COLEC11: variants seen among roughly 807,000 people sequenced by gnomAD.
COLEC11 encodes collectin subfamily member 11.
In COLEC11, 20 loss-of-function variants were observed where a neutral mutation model predicts 27.3. The observed-to-expected ratio is 0.73, with a 90% CI of 0.51 to 1.06. The LOEUF is 1.06. Among genes scored for constraint, COLEC11 ranks in the 50% least tolerant of loss-of-function variants. The pLI, the probability that COLEC11 is intolerant of heterozygous loss-of-function variation, is 0.00. For missense variants in COLEC11, 310 were observed against 383.0 expected (o/e 0.81, Z 1.59); for synonymous variants, 163 against 154.7 (o/e 1.05, Z -0.40).
At chr2:3,636,847 G>A (rs961555572) in intron 3 of COLEC11, among the ~76,000 whole-genome samples, 11 of 152,132 alleles carry the variant, frequency 7.2e-5, no homozygotes, top group African/African-American at 2.2e-4. Context: ...AGACAATCCC[G>A]TGGGATCTTG....
chr2:3,643,420 A>G (rs1463613198), intron 5 of COLEC11, 24 bp from the exon 6 acceptor site: 19 of 1,593,942 alleles, frequency 1.2e-5, no homozygotes, highest in Non-Finnish European at 1.6e-5. Flanking sequence ...CAGCGTTTGT[A>G]ACGCGTGGGC....
intron 3 of COLEC11, among the ~76,000 whole-genome samples, chr2:3,634,775 C>T (rs891608260): frequency 6.6e-6 from 1 of 152,064 alleles, no homozygotes; most frequent in Admixed American, 6.5e-5. Flanking sequence ...GGCTGGCCCC[C>T]TGACGATGAA....
intron 3 of COLEC11, among the ~76,000 whole-genome samples, chr2:3,626,658 G>A (rs765470588): frequency 6.6e-6 from 1 of 152,242 alleles, no homozygotes; most frequent in Non-Finnish European, 1.5e-5. Context: ...CATTCTTTCT[G>A]ATAATCGTGG....
At chr2:3,609,362 T>TGA (rs1431694988) in intron 2 of COLEC11, among the ~76,000 whole-genome samples, 9,631 of 119,682 alleles carry the variant, frequency 0.08, 832 homozygotes, top group African/African-American at 0.21. Context: ...ATTTTTTTTT[T>TGA]TTTTTTTTTT....
intron 2 of COLEC11, among the ~76,000 whole-genome samples, chr2:3,609,237 T>C (rs370083588): frequency 6.6e-6 from 1 of 152,354 alleles, no homozygotes; most frequent in South Asian, 2.1e-4. Context: ...TAATGACTTA[T>C]GATTCTTTCT....
intron 3 of COLEC11, among the ~76,000 whole-genome samples, chr2:3,636,432 G>T (rs1665422375): frequency 1.3e-5 from 2 of 152,004 alleles, no homozygotes; most frequent in Non-Finnish European, 2.9e-5. Flanking sequence ...TCCAGCCTGG[G>T]TGACAGAGTA....
At chr2:3,618,032 T>G (rs1663904287) in intron 3 of COLEC11, among the ~76,000 whole-genome samples, 1 of 152,226 alleles carries the variant, frequency 6.6e-6, no homozygotes. Flanking sequence ...CATTTTTAAA[T>G]TGGGTTATTT....
chr2:3,608,628 C>T lies in COLEC11; in HGVS notation c.130+4158C>T, dbSNP rs1558491601. ...ACTTGAGCCCAGGAGTTTGAGTCTA[C>T]CCAGGGCAACAGAGTAAGACCCCAT... On this transcript the variant is annotated intron_variant, in intron 2 of 6. Coordinates refer to ENST00000349077, the MANE Select transcript of COLEC11 (RefSeq NM_024027.5). 2.6e-5 allele frequency among the ~76,000 whole-genome samples: 4 copies of T among 152,214 alleles called. No homozygotes were observed. In the East Asian group the frequency reaches 7.7e-4, roughly 29 times the overall value.
intron 2 of COLEC11, chr2:3,606,234 G>C: frequency 6.5e-7 from 1 of 1,550,188 alleles, no homozygotes; most frequent in Non-Finnish European, 8.7e-7. Flanking sequence ...TCTTCCCTGC[G>C]CCCTGCCAGG....
chr2:3,603,988 C>A (rs1572388195), intron 1 of COLEC11: 1 of 567,130 alleles, frequency 1.8e-6, no homozygotes, highest in South Asian at 2.2e-5. Context: ...GTGTGGAGAC[C>A]CCTACTCCAC....
intron 1 of COLEC11, among the ~76,000 whole-genome samples, chr2:3,595,688 A>C (rs1422373457): frequency 1.3e-5 from 2 of 152,188 alleles, no homozygotes; most frequent in Admixed American, 6.5e-5. Flanking sequence ...CCAGGGAAAG[A>C]CTTTGAGTTC....
intron 3 of COLEC11, among the ~76,000 whole-genome samples, chr2:3,629,622 GTGTA>G (rs1425831816): frequency 6.6e-6 from 1 of 152,198 alleles, no homozygotes; most frequent in Admixed American, 6.5e-5. Context: ...GAGCATTTGT[GTGTA>G]TGTGCATATA....
intron 3 of COLEC11, among the ~76,000 whole-genome samples, chr2:3,619,729 G>A (rs769565178): frequency 3.3e-5 from 5 of 152,236 alleles, no homozygotes; most frequent in East Asian, 1.9e-4. Context: ...GAGTTCAACC[G>A]ATTCTCCTGC....
chr2:3,607,817 C>A (rs951888539), intron 2 of COLEC11, among the ~76,000 whole-genome samples: 2 of 152,184 alleles, frequency 1.3e-5, no homozygotes, highest in African/African-American at 4.8e-5. Context: ...AGTAATGGGG[C>A]CTGAATAACA....
intron 3 of COLEC11, among the ~76,000 whole-genome samples, chr2:3,616,361 G>T (rs1325895782): frequency 2.6e-5 from 4 of 151,878 alleles, no homozygotes; most frequent in African/African-American, 9.7e-5. Context: ...CGGGGTGGCG[G>T]CCGGGCAGAG....
intron 3 of COLEC11, among the ~76,000 whole-genome samples, chr2:3,624,813 A>G (rs1296896177): frequency 6.6e-6 from 1 of 152,188 alleles, no homozygotes; most frequent in Non-Finnish European, 1.5e-5. Flanking sequence ...TGGGGGGACT[A>G]TGGTAGAAAG....
At chr2:3,625,146 T>G (rs1664444216) in intron 3 of COLEC11, among the ~76,000 whole-genome samples, 1 of 152,194 alleles carries the variant, frequency 6.6e-6, no homozygotes, top group Admixed American at 6.5e-5. Flanking sequence ...GATTCTCTAT[T>G]AAAACCTCTG....
rs577278635 is a variant in COLEC11, at chr2:3,604,519, G to C, written c.130+49G>C. 14 of 1,598,184 alleles carry C rather than the reference G, an allele frequency of 8.8e-6. No individual in the cohort carries two copies. In the East Asian group the frequency reaches 1.1e-4, roughly 13 times the overall value. On this transcript the variant is annotated intron_variant, in intron 2 of 6. Transcript: ENST00000349077. ...CTGCTGGGCAGTGGCCTCCGGGCCAGCTGAGAGACTCCCATGCAACTGCGC... is the reference window on the plus strand; with the variant it reads ...CTGCTGGGCAGTGGCCTCCGGGCCACCTGAGAGACTCCCATGCAACTGCGC...
intron 2 of COLEC11, chr2:3,606,127 T>C (rs1187541371): frequency 6.4e-7 from 1 of 1,550,598 alleles, no homozygotes; most frequent in East Asian, 2.4e-5. Flanking sequence ...AACCTTCAGC[T>C]TTAGGTTGGA....
Sources: allele counts gnomAD v4.1 joint callset (sites outside exome capture counted in the v4.1 genomes callset), GRCh38; gene constraint gnomAD v4.1.1; transcripts MANE v1.5; gene names NCBI Gene and HGNC (gene_info 2026-07-23, HGNC 2026-07-21).